Variants in ADAM19 observed in about 807,000 individuals in gnomAD.
ADAM19 encodes the protein disintegrin and metalloproteinase domain-containing protein 19.
In ADAM19, 65 loss-of-function variants were observed where a neutral mutation model predicts 114.7. That is an observed-to-expected ratio of 0.57 (90% confidence interval 0.46 to 0.70). The LOEUF is 0.70. Ranked by LOEUF, ADAM19 falls within the 30% of genes least tolerant of loss-of-function variation. ADAM19 has a pLI of 0.00. For synonymous variants in ADAM19, 466 were observed against 460.5 expected (o/e 1.01, Z -0.15); for missense variants, 1,063 against 1,204.7 (o/e 0.88, Z 1.74).
At chr5:157,571,069 A>G in intron 1 of ADAM19, 89 bp from the exon 2 acceptor site, 1 of 1,094,668 alleles carries the variant, frequency 9.1e-7, no homozygotes, top group African/African-American at 1.6e-5. Context: ...CTGCCCCTGC[A>G]CTGGGTCATT....
At chr5:157,527,807 A>G (rs1756516776) in intron 5 of ADAM19, among the ~76,000 whole-genome samples, 1 of 152,220 alleles carries the variant, frequency 6.6e-6, no homozygotes, top group African/African-American at 2.4e-5. Context: ...AAGAGATGTT[A>G]TCTTTCATTG....
chr5:157,521,950 G>A (rs1756302965), intron 5 of ADAM19, among the ~76,000 whole-genome samples: 1 of 152,222 alleles, frequency 6.6e-6, no homozygotes, highest in African/African-American at 2.4e-5. Context: ...ATTACACCCA[G>A]TGAGTGGAAA....
intron 2 of ADAM19, among the ~76,000 whole-genome samples, chr5:157,569,716 C>A (rs1378976992): frequency 6.6e-6 from 1 of 152,148 alleles, no homozygotes; most frequent in Non-Finnish European, 1.5e-5. Context: ...TGAAGTCTTT[C>A]CTGACACATC....
intron 14 of ADAM19, 73 bp downstream of exon 14, chr5:157,496,821 A>C: frequency 7.2e-7 from 1 of 1,391,570 alleles, no homozygotes; most frequent in Non-Finnish European, 9.5e-7. Context: ...ATTCCAAACT[A>C]CCCTGAGGGC....
chr5:157,481,800 A>C lies in ADAM19; in HGVS notation c.2694T>G (p.Leu898=), dbSNP rs751038567. Residue 898 remains leucine (L), a synonymous_variant, in exon 22 of 23, where the codon CTT becomes CTG. Coordinates refer to ENST00000257527, the MANE Select transcript of ADAM19 (RefSeq NM_033274.5). ...GPQQSRPLAA[L]APKFPEYRSQ... ...CTTCCCGTGGACTCACCTTTGGGGC[A>C]AGTGCTGCCAGAGGCCGGGACTGCT... 1 of 1,573,684 alleles carries C rather than the reference A, an allele frequency of 6.4e-7. No homozygotes were observed. The highest frequency in any genetic ancestry group is 8.6e-7 in the Non-Finnish European group (1 of 1,158,422).
chr5:157,486,503 G>A (rs1043734196), intron 21 of ADAM19, among the ~76,000 whole-genome samples: 2 of 152,112 alleles, frequency 1.3e-5, no homozygotes, highest in Admixed American at 6.5e-5. Flanking sequence ...CAGGTGCAGG[G>A]TATGCACAGC....
chr5:157,500,054 T>A (rs1012662166), intron 12 of ADAM19, among the ~76,000 whole-genome samples: 1 of 152,072 alleles, frequency 6.6e-6, no homozygotes, highest in Non-Finnish European at 1.5e-5. Flanking sequence ...GCTGGGATTA[T>A]AGGCATGAAC....
rs763871952 is a variant in ADAM19 at position 157,481,905 on chromosome 5, C to G, written c.2589G>C (p.Pro863=). 6.2e-7 allele frequency: 1 copy of G among 1,605,736 alleles called. No individual in the cohort carries two copies. Among genetic ancestry groups the G allele is most frequent in the South Asian group, 1.1e-5 (1 of 89,258 alleles). Residue 863 remains proline, a synonymous_variant, in exon 22 of 23, where the codon CCG becomes CCC. Coordinates refer to ENST00000257527, the MANE Select transcript of ADAM19 (RefSeq NM_033274.5). The part of the protein sequence containing the change: ...SRPRPPQKAL[P]ANPVPGRRSL... ...TCCTGCGGCCTGGCACTGGGTTTGC[C>G]GGGAGTGCCTTCTGGGGCGGCCGAG...
intron 2 of ADAM19, 23 bp from the exon 3 acceptor site, chr5:157,564,466 G>A: frequency 6.2e-7 from 1 of 1,612,640 alleles, no homozygotes; most frequent in Non-Finnish European, 8.5e-7. Context: ...ACAAAACAAT[G>A]TCAGTTCCTA....
chr5:157,563,091 G>A (rs992800496), intron 3 of ADAM19, among the ~76,000 whole-genome samples: 9 of 152,060 alleles, frequency 5.9e-5, no homozygotes, highest in African/African-American at 2.2e-4. Context: ...TTTCTTGTAG[G>A]ACCAAAGGAA....
chr5:157,552,561 C>A (rs747502220), intron 3 of ADAM19, among the ~76,000 whole-genome samples: 1 of 151,708 alleles, frequency 6.6e-6, no homozygotes, highest in Non-Finnish European at 1.5e-5. Flanking sequence ...TGCCTGTAGT[C>A]CCAGCTACTC....
intron 21 of ADAM19, among the ~76,000 whole-genome samples, chr5:157,483,944 C>T (rs887504446): frequency 2.1e-5 from 3 of 143,754 alleles, no homozygotes; most frequent in African/African-American, 2.6e-5. Flanking sequence ...TTGAACATTC[C>T]TTTTTTTTTT....
chr5:157,491,935 G>T (rs761518159), intron 16 of ADAM19, 23 bp from the exon 17 acceptor site: 63 of 1,611,590 alleles, frequency 3.9e-5, no homozygotes, highest in Non-Finnish European at 5.3e-5. Context: ...AAAACAGAAC[G>T]ATCAGTGCAA....
chr5:157,570,587 T>C (rs891321502), intron 2 of ADAM19: 16 of 265,456 alleles, frequency 6.0e-5, no homozygotes, highest in African/African-American at 3.5e-4. Context: ...AAAATAACAA[T>C]GACAATATTT....
intron 2 of ADAM19, 79 bp downstream of exon 2, chr5:157,570,816 A>T: frequency 8.0e-7 from 1 of 1,249,656 alleles, no homozygotes; most frequent in Non-Finnish European, 1.2e-6. Context: ...GATGACTGGG[A>T]TTCTAAGAAA....
At position 157,491,623 on chromosome 5, in the gene ADAM19, G is replaced by C. The variant is rs572323626; in HGVS notation, c.2087C>G (p.Pro696Arg). ...HGGSIDSGPM[P>R]PESVGPVVAG... is the part of the protein sequence containing the mutation. ...AGCAGGCTGGCACTCACTCTCAGGG[G>C]GCATAGGCCCACTGTCGATACTGCC... Residue 696 changes from proline to arginine, a missense_variant, in exon 18 of 23, where the codon CCC becomes CGC. Around this residue, in one of 3 missense-constraint regions of ADAM19, gnomAD observed 424 missense variants for 445.5 expected, o/e 0.95. Coordinates refer to ENST00000257527, the MANE Select transcript of ADAM19 (RefSeq NM_033274.5). 2.0e-6 allele frequency: 3 copies of C among 1,517,200 alleles called. No individual in the cohort carries two copies. The highest frequency in any genetic ancestry group is 2.7e-6 in the Non-Finnish European group (3 of 1,131,678). 94.0% of individuals were successfully genotyped at this position (1,517,200 alleles called of 1,614,324 possible). A position where few individuals can be genotyped will look rare whatever the true frequency, so the allele number is the denominator to read the frequency against.
intron 2 of ADAM19, among the ~76,000 whole-genome samples, chr5:157,570,029 G>A (rs1004014514): frequency 2.0e-5 from 3 of 152,184 alleles, no homozygotes; most frequent in Non-Finnish European, 4.4e-5. Flanking sequence ...AGAGGACTAC[G>A]TGGGCGGATC....
chr5:157,524,423 C>A (rs1756396308), intron 5 of ADAM19, among the ~76,000 whole-genome samples: 1 of 152,224 alleles, frequency 6.6e-6, no homozygotes, highest in South Asian at 2.1e-4. Context: ...AGGCACCAAG[C>A]AATTCATGCC....
At chr5:157,557,376 A>G (rs750778952) in intron 3 of ADAM19, among the ~76,000 whole-genome samples, 6 of 152,220 alleles carry the variant, frequency 3.9e-5, no homozygotes, top group Non-Finnish European at 5.9e-5. Context: ...GCTTGTGTGC[A>G]CAAGGCTTTC....
Sources: allele counts gnomAD v4.1 joint callset (sites outside exome capture counted in the v4.1 genomes callset), GRCh38; gene constraint gnomAD v4.1.1; regional missense constraint gnomAD v4.1.1; transcripts MANE v1.5; gene names NCBI Gene and HGNC (gene_info 2026-07-23, HGNC 2026-07-21).